The following FSIP1 variants were observed in gnomAD, a reference collection of about 807,000 sequenced individuals.
The protein encoded by FSIP1 is fibrous sheath-interacting protein 1.
In FSIP1, 65 loss-of-function variants were observed where a neutral mutation model predicts 60.9. That is an observed-to-expected ratio of 1.07 (90% confidence interval 0.87 to 1.31). The LOEUF (loss-of-function observed/expected upper bound fraction) is 1.31. Ranked by LOEUF, FSIP1 falls within the 40% of genes most tolerant of loss-of-function variation. The probability of loss-of-function intolerance (pLI) is 0.00; values close to 1 mark genes in which losing one functional copy is unlikely to be tolerated. For synonymous variants in FSIP1, 209 were observed against 221.2 expected (o/e 0.94, Z 0.49); for missense variants, 675 against 665.5 (o/e 1.01, Z -0.16).
At chr15:39,681,109 A>G (rs907756485) in intron 10 of FSIP1, among the ~76,000 whole-genome samples, 2 of 152,148 alleles carry the variant, frequency 1.3e-5, no homozygotes, top group African/African-American at 4.8e-5. Context: ...TAACTGGCAT[A>G]TCTTCAGGAC....
chr15:39,752,377 T>A (rs1204309639), intron 5 of FSIP1, among the ~76,000 whole-genome samples: 1 of 151,842 alleles, frequency 6.6e-6, no homozygotes, highest in Non-Finnish European at 1.5e-5. Context: ...TTCCAAAGAG[T>A]AGAGTGTGGC....
In FSIP1 at chr15:39,600,915, T is replaced by A; in HGVS notation, c.1711A>T (p.Thr571Ser). The change falls in exon 12 of 12, where the codon ACT (threonine) becomes TCT (serine). Residue 571 changes from threonine to serine, a missense_variant. By Grantham distance (58) the Thr-to-Ser change is moderately conservative. Coordinates refer to ENST00000350221, the MANE Select transcript of FSIP1 (RefSeq NM_152597.5). ...TTACATTCTTCTGCTGCATCTTTAG[T>A]CTCCTGCTCATCTGCACATAAAAAC... ...PENTIADEQE[T>S]KDAAEECKEP 1.2e-6 allele frequency: 2 copies of A among 1,611,390 alleles called. No individual in the cohort carries two copies. Among genetic ancestry groups the A allele is most frequent in the Non-Finnish European group, 1.7e-6 (2 of 1,179,000 alleles).
At chr15:39,678,516 T>C (rs1425250490) in intron 10 of FSIP1, among the ~76,000 whole-genome samples, 1 of 152,150 alleles carries the variant, frequency 6.6e-6, no homozygotes, top group Non-Finnish European at 1.5e-5. Context: ...TTATTGGAAA[T>C]ATAAAAACAT....
intron 5 of FSIP1, among the ~76,000 whole-genome samples, chr15:39,756,323 T>C (rs1292045770): frequency 6.6e-6 from 1 of 152,078 alleles, no homozygotes; most frequent in African/African-American, 2.4e-5. Flanking sequence ...TGAAAACAGG[T>C]TGGAAATTGC....
At chr15:39,629,363 G>A (rs1217896724) in intron 10 of FSIP1, among the ~76,000 whole-genome samples, 7 of 152,210 alleles carry the variant, frequency 4.6e-5, no homozygotes, top group African/African-American at 1.7e-4. Context: ...ACTGTATGCA[G>A]TAACCACAAA....
At chr15:39,707,830 G>A (rs2140538616) in intron 10 of FSIP1, among the ~76,000 whole-genome samples, 1 of 152,174 alleles carries the variant, frequency 6.6e-6, no homozygotes, top group Admixed American at 6.5e-5. Context: ...AAGCAGTCTG[G>A]CCCTTAACCA....
intron 10 of FSIP1, among the ~76,000 whole-genome samples, chr15:39,692,262 G>C (rs1225112906): frequency 2.0e-5 from 3 of 152,158 alleles, no homozygotes; most frequent in Non-Finnish European, 4.4e-5. Context: ...TACCCACCTG[G>C]AGGGCTACTT....
chr15:39,727,050 T>C (rs1896227972), intron 8 of FSIP1, among the ~76,000 whole-genome samples: 1 of 152,202 alleles, frequency 6.6e-6, no homozygotes. Context: ...TTTATCTACA[T>C]TCAAAAAATG....
At chr15:39,754,337 T>C (rs1272657861) in intron 5 of FSIP1, among the ~76,000 whole-genome samples, 2 of 152,014 alleles carry the variant, frequency 1.3e-5, no homozygotes, top group African/African-American at 4.8e-5. Context: ...GCTAAGATAC[T>C]CCCAGATTCC....
chr15:39,602,566 T>C (rs1890678979), intron 11 of FSIP1, among the ~76,000 whole-genome samples: 1 of 152,154 alleles, frequency 6.6e-6, no homozygotes, highest in Non-Finnish European at 1.5e-5. Context: ...AAGTGATAAA[T>C]GTAGTGGTAC....
chr15:39,619,673 T>C (rs940894576), intron 10 of FSIP1, among the ~76,000 whole-genome samples: 1 of 152,176 alleles, frequency 6.6e-6, no homozygotes, highest in African/African-American at 2.4e-5. Context: ...GGAAACCTAG[T>C]CAAGTAGAAA....
intron 5 of FSIP1, among the ~76,000 whole-genome samples, chr15:39,748,860 A>G (rs1378538884): frequency 6.6e-6 from 1 of 152,130 alleles, no homozygotes; most frequent in Non-Finnish European, 1.5e-5. Context: ...ACAGGGAAGG[A>G]GAAATCAATA....
chr15:39,674,048 C>T (rs546401257), intron 10 of FSIP1, among the ~76,000 whole-genome samples: 15 of 151,014 alleles, frequency 9.9e-5, no homozygotes, highest in East Asian at 1.9e-4. Flanking sequence ...TAACCCGACC[C>T]GATTTAATTT....
At position 39,600,211 on chromosome 15, in the gene FSIP1, C is replaced by A. The variant is rs945279081; in HGVS notation, c.*669G>T. On this transcript the variant is annotated 3_prime_UTR_variant, in exon 12 of 12. Transcript: ENST00000350221. ...TAAACCATCTCTCTTCAAATAGTACCGCAGACTGTCTTTTAAAGTAGCTCA... is the reference window on the plus strand; with the variant it reads ...TAAACCATCTCTCTTCAAATAGTACAGCAGACTGTCTTTTAAAGTAGCTCA... 1 of 152,158 alleles carries A rather than the reference C, an allele frequency of 6.6e-6. No homozygotes were observed. Among genetic ancestry groups the A allele is most frequent in the Non-Finnish European group, 1.5e-5 (1 of 68,026 alleles). 9.4% of individuals were successfully genotyped at this position (152,158 alleles called of 1,614,324 possible).
chr15:39,622,345 C>T (rs1418267296), intron 10 of FSIP1, among the ~76,000 whole-genome samples: 1 of 152,176 alleles, frequency 6.6e-6, no homozygotes, highest in Non-Finnish European at 1.5e-5. Context: ...ATGAAAGCCC[C>T]TCTCTTCCCA....
chr15:39,715,538 T>C lies in FSIP1; in HGVS notation c.1051-1957A>G, dbSNP rs113533823. ...GCAATGAATTTCAGTAAAATTCTTA[T>C]TGTATACAGTTCTACCAAGCAAATT... On this transcript the variant is annotated intron_variant, in intron 9 of 11. Coordinates refer to ENST00000350221, the MANE Select transcript of FSIP1 (RefSeq NM_152597.5). Among the ~76,000 whole-genome samples, 1,519 of 152,312 alleles carry C rather than the reference T, an allele frequency of 1.0e-2. 13 individuals are homozygous for C. Among genetic ancestry groups the C allele is most frequent in the Non-Finnish European group, 0.016 (1,075 of 68,020 alleles).
At position 39,726,656 on chromosome 15, in the gene FSIP1, T is replaced by C; in HGVS notation, c.983A>G (p.Gln328Arg). 2 of 1,614,064 alleles carry C rather than the reference T, an allele frequency of 1.2e-6. No individual in the cohort carries two copies. Among genetic ancestry groups the C allele is most frequent in the Non-Finnish European group, 1.7e-6 (2 of 1,179,988 alleles). ...TGTAGGGGAGGCTGCAGAGAGTTCTTGGAGTTTTATATCAATTTCAGCAAG... is the reference window on the plus strand; with the variant it reads ...TGTAGGGGAGGCTGCAGAGAGTTCTCGGAGTTTTATATCAATTTCAGCAAG... ...QQLAEIDIKLQELSAASPTIS... is the reference protein window; with the variant it reads ...QQLAEIDIKLRELSAASPTIS... The change falls in exon 9 of 12, where the codon CAA becomes CGA. Residue 328 changes from glutamine to arginine, a missense_variant. Transcript: ENST00000350221.
chr15:39,737,059 T>C (rs1896637797), intron 8 of FSIP1, among the ~76,000 whole-genome samples: 1 of 152,168 alleles, frequency 6.6e-6, no homozygotes, highest in African/African-American at 2.4e-5. Flanking sequence ...GCCAGCAGCA[T>C]TCACTCCATC....
intron 10 of FSIP1, among the ~76,000 whole-genome samples, chr15:39,647,874 G>A (rs535764241): frequency 8.1e-4 from 124 of 152,204 alleles, no homozygotes; most frequent in African/African-American, 2.9e-3. Context: ...GCATGACATA[G>A]AATGTCTGAA....
Sources: allele counts gnomAD v4.1 joint callset (sites outside exome capture counted in the v4.1 genomes callset), GRCh38; gene constraint gnomAD v4.1.1; transcripts MANE v1.5; gene names NCBI Gene and HGNC (gene_info 2026-07-23, HGNC 2026-07-21).